FHAD1: variants seen among roughly 807,000 people sequenced by gnomAD.
The protein encoded by FHAD1 is forkhead-associated domain-containing protein 1.
FHAD1 carries 146 observed loss-of-function variants against 191.3 expected under a neutral mutation model. The ratio of observed to expected loss-of-function variants is 0.76; its 90% CI spans 0.67 to 0.88. The LOEUF is 0.88. Among genes scored for constraint, FHAD1 ranks in the 40% least tolerant of loss-of-function variants. The pLI, the probability that FHAD1 is intolerant of heterozygous loss-of-function variation, is 0.00. For missense variants in FHAD1, 1,635 were observed against 1,785.8 expected (o/e 0.92, Z 1.52); for synonymous variants, 616 against 672.3 (o/e 0.92, Z 1.29).
intron 4 of FHAD1, among the ~76,000 whole-genome samples, chr1:15,292,478 C>T (rs376998771): frequency 2.3e-4 from 35 of 152,222 alleles, no homozygotes; most frequent in East Asian, 5.8e-4. Context: ...GGACTACAGG[C>T]GCCCGCCACC....
chr1:15,257,780 A>G (rs1648966022), intron 2 of FHAD1, among the ~76,000 whole-genome samples: 2 of 152,148 alleles, frequency 1.3e-5, no homozygotes, highest in Admixed American at 1.3e-4. Flanking sequence ...ACAACGTAAC[A>G]TTTATCATCT....
chr1:15,316,538 A>C lies in FHAD1; in HGVS notation c.1260+71A>C. 1 of 1,257,734 alleles carries C rather than the reference A, an allele frequency of 8.0e-7. No individual in the cohort carries two copies. Among genetic ancestry groups the C allele is most frequent in the Non-Finnish European group, 1.1e-6 (1 of 886,072 alleles). 77.9% of individuals were successfully genotyped at this position (1,257,734 alleles called of 1,614,324 possible). On this transcript the variant is annotated intron_variant, in intron 9 of 33. Transcript: ENST00000688493. The surrounding 1 kb of genome is among the most constrained non-coding windows in gnomAD (Gnocchi z 4.3). ...GTTTGACCTTGAGGTTCTTGGTGGG[A>C]TCCTGGGCCATCACTAAGCATGAAG...
At chr1:15,330,484 C>T (rs1219889435) in intron 14 of FHAD1, among the ~76,000 whole-genome samples, 2 of 151,932 alleles carry the variant, frequency 1.3e-5, no homozygotes, top group Non-Finnish European at 2.9e-5. Context: ...TAATAAAATA[C>T]TGGGGAAAAA....
intron 11 of FHAD1, chr1:15,326,763 T>C (rs1678803037): frequency 1.2e-5 from 3 of 252,778 alleles, no homozygotes; most frequent in Non-Finnish European, 2.2e-5. Flanking sequence ...AGACTTCCCA[T>C]TGGATAATTG....
intron 1 of FHAD1, among the ~76,000 whole-genome samples, chr1:15,248,399 C>T (rs1646358339): frequency 6.7e-6 from 1 of 149,380 alleles, no homozygotes; most frequent in Middle Eastern, 3.4e-3. Flanking sequence ...ACTGTGAGCT[C>T]ATGTTTGCGT....
intron 28 of FHAD1, among the ~76,000 whole-genome samples, chr1:15,377,592 C>T (rs1241582116): frequency 1.3e-5 from 2 of 152,134 alleles, no homozygotes; most frequent in African/African-American, 2.4e-5. Flanking sequence ...AATCCCAGCA[C>T]TTTGGGAGGC....
At chr1:15,358,078 TC>T in intron 20 of FHAD1, 31 bp from the exon 21 acceptor site, 1 of 1,444,636 alleles carries the variant, frequency 6.9e-7, no homozygotes, top group South Asian at 1.4e-5. Flanking sequence ...TTCCTGAATG[TC>T]TGTTATTTTG....
chr1:15,365,092 A>T (rs1695991082), intron 23 of FHAD1, among the ~76,000 whole-genome samples: 1 of 152,228 alleles, frequency 6.6e-6, no homozygotes, highest in Non-Finnish European at 1.5e-5. Flanking sequence ...TCCACCAGGA[A>T]TTCAAAGGGG....
At position 15,325,550 on chromosome 1, in the gene FHAD1, C is replaced by G. The variant is rs1678146266; in HGVS notation, c.1473+991C>G. 6.6e-6 allele frequency: 1 copy of G among 152,526 alleles called. No individual in the cohort carries two copies. Among genetic ancestry groups the G allele is most frequent in the Admixed American group, 6.5e-5 (1 of 15,284 alleles). 9.4% of individuals were successfully genotyped at this position (152,526 alleles called of 1,614,324 possible). On this transcript the variant is annotated intron_variant, in intron 11 of 33. Coordinates refer to ENST00000688493, the MANE Select transcript of FHAD1 (RefSeq NM_001391957.1). This position sits in a 1 kb window ranked among gnomAD's most constrained non-coding sequence, Gnocchi z 4.6. ...AAAATTCAAATATTCACCACTGTAACCGCCAGCACCATTTCTCCTGTGGGG... is the reference window on the plus strand; with the variant it reads ...AAAATTCAAATATTCACCACTGTAAGCGCCAGCACCATTTCTCCTGTGGGG...
intron 3 of FHAD1, among the ~76,000 whole-genome samples, chr1:15,282,399 T>C (rs575487): frequency 0.29 from 44,371 of 152,064 alleles, 6,763 homozygotes; most frequent in Middle Eastern, 0.34. Context: ...TATCATAAAT[T>C]CCATAGAGCC....
chr1:15,271,488 T>C (rs573944766), intron 2 of FHAD1, among the ~76,000 whole-genome samples: 2 of 152,150 alleles, frequency 1.3e-5, no homozygotes, highest in South Asian at 4.1e-4. Context: ...TTGCCATCAG[T>C]TTGCAGACAC....
chr1:15,379,559 A>G (rs1700428539), intron 28 of FHAD1, among the ~76,000 whole-genome samples: 1 of 152,084 alleles, frequency 6.6e-6, no homozygotes, highest in South Asian at 2.1e-4. Flanking sequence ...CTCAGCACAG[A>G]CCCTTTACGG....
intron 5 of FHAD1, 47 bp downstream of exon 5, chr1:15,296,840 C>G: frequency 1.4e-6 from 2 of 1,446,964 alleles, no homozygotes; most frequent in Non-Finnish European, 1.9e-6. Context: ...AGCAAGCGCA[C>G]TGCAAAGGGA....
intron 9 of FHAD1, among the ~76,000 whole-genome samples, 176 bp from the exon 10 acceptor site, chr1:15,317,648 T>C (rs1674921173): frequency 6.6e-6 from 1 of 152,180 alleles, no homozygotes; most frequent in Non-Finnish European, 1.5e-5. Context: ...TAAAGTCTAT[T>C]TTGCTGAGAG....
intron 26 of FHAD1, among the ~76,000 whole-genome samples, chr1:15,371,282 C>T (rs1036423427): frequency 3.3e-5 from 5 of 152,132 alleles, no homozygotes; most frequent in African/African-American, 7.2e-5. Flanking sequence ...ACTCTGTGCA[C>T]GTCTGTTGGA....
intron 6 of FHAD1, among the ~76,000 whole-genome samples, chr1:15,306,560 G>A (rs1015011813): frequency 6.6e-5 from 10 of 152,208 alleles, no homozygotes; most frequent in African/African-American, 2.4e-4. Context: ...TGGTTTTGTG[G>A]GCCAGGCCCG....
intron 16 of FHAD1, among the ~76,000 whole-genome samples, chr1:15,343,509 C>G (rs941761230): frequency 6.6e-6 from 1 of 152,154 alleles, no homozygotes; most frequent in African/African-American, 2.4e-5. Context: ...AGACCTCTCC[C>G]TCTTTCATCT....
chr1:15,245,139 G>T (rs1645855491), upstream of FHAD1, among the ~76,000 whole-genome samples: 1 of 152,214 alleles, frequency 6.6e-6, no homozygotes, highest in South Asian at 2.1e-4. Context: ...AGCCATCCAT[G>T]AGGGATTCGC....
At chr1:15,382,297 G>A in intron 31 of FHAD1, 104 bp downstream of exon 31, 3 of 1,191,714 alleles carry the variant, frequency 2.5e-6, no homozygotes, top group Non-Finnish European at 3.5e-6. Flanking sequence ...ACAGAACACA[G>A]GGATGGATGC....
Sources: gnomAD v4.1 joint callset for allele counts (sites outside exome capture counted in the v4.1 genomes callset) on GRCh38, gnomAD v4.1.1 for gene constraint, Gnocchi (gnomAD v3.1) non-coding constraint, MANE v1.5 for transcripts, NCBI Gene and HGNC (gene_info 2026-07-23, HGNC 2026-07-21) for gene names.